PRKN: variants seen among roughly 807,000 people sequenced by gnomAD.
PRKN encodes parkin RBR E3 ubiquitin protein ligase, also known as E3 ubiquitin-protein ligase parkin.
In PRKN, 56 loss-of-function variants were observed where a neutral mutation model predicts 59.5. That is an observed-to-expected ratio of 0.94 (90% CI 0.76 to 1.18). The LOEUF is 1.18. Among genes scored for constraint, PRKN ranks in the 50% most tolerant of loss-of-function variants. PRKN has a pLI of 0.00. For missense variants in PRKN, 657 were observed against 596.4 expected (o/e 1.10, Z -1.06); for synonymous variants, 250 against 222.1 (o/e 1.13, Z -1.12).
In PRKN at chr6:162,333,986, A is replaced by G. The variant is rs534004283; in HGVS notation, c.172-71221T>C. ...TCTGAGTTATCTGGATACAAGATCG[A>G]AACAGCCACAACATTCCCTAAAGCC... On this transcript the variant is annotated intron_variant, in intron 2 of 11. Coordinates refer to ENST00000366898, the MANE Select transcript of PRKN (RefSeq NM_004562.3). Among the ~76,000 whole-genome samples, 172 of 152,324 alleles carry G rather than the reference A, an allele frequency of 1.1e-3. 1 individual carries two copies. Among genetic ancestry groups the G allele is most frequent in the African/African-American group, 3.8e-3 (159 of 41,576 alleles).
At chr6:162,333,410 C>A (rs183576564) in intron 2 of PRKN, among the ~76,000 whole-genome samples, 1 of 152,100 alleles carries the variant, frequency 6.6e-6, no homozygotes, top group African/African-American at 2.4e-5. Context: ...TTGCCAACAG[C>A]CATGTGCTCA....
intron 9 of PRKN, among the ~76,000 whole-genome samples, chr6:161,519,912 G>A (rs1261273845): frequency 6.6e-6 from 1 of 152,184 alleles, no homozygotes; most frequent in East Asian, 1.9e-4. Context: ...CCTCAAAGAA[G>A]CAGGGTTTGG....
At chr6:162,046,895 C>T (rs989492587) in intron 5 of PRKN, among the ~76,000 whole-genome samples, 30 of 97,202 alleles carry the variant, frequency 3.1e-4, no homozygotes, top group East Asian at 2.1e-3. Context: ...TAATTTTAAC[C>T]TTAACAATTA....
intron 7 of PRKN, among the ~76,000 whole-genome samples, chr6:161,706,556 A>G (rs1225603262): frequency 6.6e-6 from 1 of 152,076 alleles, no homozygotes; most frequent in Non-Finnish European, 1.5e-5. Context: ...CAAGGAGAGA[A>G]AAGCAGCATT....
At chr6:161,715,935 C>G in intron 7 of PRKN, 1 of 426,762 alleles carries the variant, frequency 2.3e-6, no homozygotes, top group African/African-American at 2.1e-5. Context: ...GTTAGAAACT[C>G]AAATTATGAT....
At chr6:162,023,004 C>T (rs1783269351) in intron 5 of PRKN, among the ~76,000 whole-genome samples, 1 of 152,068 alleles carries the variant, frequency 6.6e-6, no homozygotes, top group Non-Finnish European at 1.5e-5. Context: ...TACTCTGCTC[C>T]ATTGATATAT....
In PRKN at chr6:162,498,393, CTTTTTTTTT is replaced by C. The variant is rs60024002; in HGVS notation, c.8-54929_8-54921del. 1.4e-4 allele frequency among the ~76,000 whole-genome samples: 3 copies of C among 21,582 alleles called. 1 individual carries two copies. Among genetic ancestry groups the C allele is most frequent in the Non-Finnish European group, 1.9e-4 (2 of 10,268 alleles). 14.2% of individuals were successfully genotyped at this position (21,582 alleles called of 152,430 possible). On this transcript the variant is annotated intron_variant, in intron 1 of 11. Coordinates refer to ENST00000366898, the MANE Select transcript of PRKN (RefSeq NM_004562.3). ...CAGAATCATTTTTTTTCTTTCTTTCCTTTTTTTTTTTTTTTTTTTTTTGAGATGGAGTTT... is the reference window on the plus strand; with the variant it reads ...CAGAATCATTTTTTTTCTTTCTTTCCTTTTTTTTTTTTTGAGATGGAGTTT...
intron 9 of PRKN, among the ~76,000 whole-genome samples, chr6:161,510,621 C>G (rs940995162): frequency 4.6e-5 from 7 of 152,072 alleles, no homozygotes; most frequent in Admixed American, 4.6e-4. Flanking sequence ...AATGCTTTAC[C>G]CTAATTACAC....
chr6:162,584,898 TCTC>T (rs1484549922), intron 1 of PRKN, among the ~76,000 whole-genome samples: 1 of 72,402 alleles, frequency 1.4e-5, no homozygotes, highest in African/African-American at 5.4e-5. Flanking sequence ...TCCCCTCCCC[TCTC>T]CTCTTCTCTT....
Position 161,410,639 on chromosome 6 carries a change from T to A in PRKN, c.1084-23762A>T, listed in dbSNP as rs1787494398. On this transcript the variant is annotated intron_variant, in intron 9 of 11. Coordinates refer to ENST00000366898, the MANE Select transcript of PRKN (RefSeq NM_004562.3). The surrounding 1 kb of genome is among the most constrained non-coding windows in gnomAD (Gnocchi z 5.3). ...GTGCTCATCGTGGGCCATGCGTTGG[T>A]TACAAGGAAGCAGATGGAGTTGGGG... Among the ~76,000 whole-genome samples the A allele has an allele frequency of 6.6e-6, 1 of 151,978 alleles. No homozygotes were observed.
At chr6:161,636,087 TA>T (rs1562573310) in intron 7 of PRKN, among the ~76,000 whole-genome samples, 28 of 152,258 alleles carry the variant, frequency 1.8e-4, no homozygotes, top group African/African-American at 6.5e-4. Flanking sequence ...TCCCAGGCAC[TA>T]TGAGCAGGCC....
chr6:162,008,918 G>C (rs531859313), intron 5 of PRKN, among the ~76,000 whole-genome samples: 1 of 150,882 alleles, frequency 6.6e-6, no homozygotes, highest in East Asian at 1.9e-4. Context: ...TAAGAGTTAT[G>C]TGGGTTCAGG....
Position 161,940,445 on chromosome 6 carries a change from C to G in PRKN, c.734+32857G>C, listed in dbSNP as rs372577234. Among the ~76,000 whole-genome samples, 5 of 152,268 alleles carry G rather than the reference C, an allele frequency of 3.3e-5. No homozygotes were observed. In the East Asian group the frequency reaches 9.7e-4, roughly 29 times the overall value. On this transcript the variant is annotated intron_variant, in intron 6 of 11. Transcript: ENST00000366898. ...CTCAATGTTGATATAATGTTGATGT[C>G]TCTCAACTTCTCTTGAAGTTGAAAA... is the stretch of plus-strand genomic sequence containing the variant.
chr6:161,957,513 C>T (rs1028313317), intron 6 of PRKN, among the ~76,000 whole-genome samples: 2 of 151,576 alleles, frequency 1.3e-5, no homozygotes, highest in Admixed American at 6.6e-5. Flanking sequence ...CAACCTCCAC[C>T]TCCTGCGTTC....
chr6:162,146,359 A>T (rs1282198684), intron 4 of PRKN, among the ~76,000 whole-genome samples: 1 of 151,938 alleles, frequency 6.6e-6, no homozygotes, highest in African/African-American at 2.4e-5. Context: ...GTGTGCTGTA[A>T]ATTTTATGTT....
At chr6:161,929,174 G>A (rs1779076243) in intron 6 of PRKN, among the ~76,000 whole-genome samples, 1 of 152,018 alleles carries the variant, frequency 6.6e-6, no homozygotes, top group South Asian at 2.1e-4. Context: ...ATGACAACCT[G>A]GATGAACCTT....
intron 4 of PRKN, among the ~76,000 whole-genome samples, chr6:162,075,676 T>C (rs139595216): frequency 6.6e-6 from 1 of 152,078 alleles, no homozygotes; most frequent in African/African-American, 2.4e-5. Context: ...GAGAAAGGCA[T>C]GTATCACTGA....
chr6:162,588,639 C>A (rs550954363), intron 1 of PRKN, among the ~76,000 whole-genome samples: 1 of 152,128 alleles, frequency 6.6e-6, no homozygotes. Flanking sequence ...GCAACCTCCA[C>A]CTCCCAGGTT....
intron 4 of PRKN, among the ~76,000 whole-genome samples, chr6:162,168,095 C>T (rs996641642): frequency 2.6e-5 from 4 of 151,828 alleles, no homozygotes; most frequent in African/African-American, 9.7e-5. Context: ...AATTCAAGGG[C>T]CATTATAAGA....
Sources: gnomAD v4.1 joint callset for allele counts (sites outside exome capture counted in the v4.1 genomes callset) on GRCh38, gnomAD v4.1.1 for gene constraint, Gnocchi (gnomAD v3.1) non-coding constraint, MANE v1.5 for transcripts, NCBI Gene and HGNC (gene_info 2026-07-23, HGNC 2026-07-21) for gene names.